Variants in DOCK4 observed in about 807,000 individuals in gnomAD.
The protein encoded by DOCK4 is dedicator of cytokinesis 4, also known as dedicator of cytokinesis protein 4.
A neutral mutation model predicts 268.1 loss-of-function variants in DOCK4; 97 were observed. That is an observed-to-expected ratio of 0.36 (90% CI 0.31 to 0.43). The LOEUF (loss-of-function observed/expected upper bound fraction) is 0.43. Among genes scored for constraint, DOCK4 ranks in the 20% least tolerant of loss-of-function variants. The pLI, the probability that DOCK4 is intolerant of heterozygous loss-of-function variation, is 1.00. For missense variants in DOCK4, 2,145 were observed against 2,455.7 expected, an observed-to-expected ratio of 0.87 and a Z score of 2.67; for synonymous variants, 954 against 887.2, an observed-to-expected ratio of 1.08 and a Z score of -1.34.
chr7:112,193,898 T>C (rs553047190), intron 1 of DOCK4, among the ~76,000 whole-genome samples: 138 of 152,202 alleles, frequency 9.1e-4, no homozygotes, highest in Admixed American at 2.2e-3. Flanking sequence ...GCTTGCAGAC[T>C]GCCACCTTCT....
At chr7:112,140,947 G>A (rs1354752220) in intron 1 of DOCK4, among the ~76,000 whole-genome samples, 1 of 152,166 alleles carries the variant, frequency 6.6e-6, no homozygotes. Flanking sequence ...AGGCTCTACA[G>A]CTGGTAAAAT....
intron 1 of DOCK4, among the ~76,000 whole-genome samples, chr7:112,059,625 T>C (rs1806203613): frequency 6.6e-6 from 1 of 152,174 alleles, no homozygotes; most frequent in African/African-American, 2.4e-5. Flanking sequence ...ATTTTAGATA[T>C]CCAACATTGT....
At chr7:112,193,728 C>T (rs1307189650) in intron 1 of DOCK4, among the ~76,000 whole-genome samples, 1 of 152,020 alleles carries the variant, frequency 6.6e-6, no homozygotes, top group African/African-American at 2.4e-5. Flanking sequence ...GAGGATCCTG[C>T]TTCTACTTTT....
At chr7:112,178,491 C>T (rs573504859) in intron 1 of DOCK4, among the ~76,000 whole-genome samples, 46 of 152,270 alleles carry the variant, frequency 3.0e-4, no homozygotes, top group African/African-American at 1.0e-3. Context: ...ACCTTTGTCT[C>T]GGCTTCCCAT....
intron 1 of DOCK4, among the ~76,000 whole-genome samples, chr7:112,123,327 T>A (rs1258992987): frequency 6.6e-6 from 1 of 152,174 alleles, no homozygotes; most frequent in African/African-American, 2.4e-5. Flanking sequence ...CACATAGACC[T>A]TGAGGCTTCT....
Position 112,190,947 on chromosome 7 carries a change from G to A in DOCK4, c.37+15155C>T, listed in dbSNP as rs898547425. ...ATGTGAAGCCCCAGGTCCCAGCAGA[G>A]CAAGGGCTTCCAGTATCAGAACCAC... is the stretch of plus-strand genomic sequence containing the variant. On this transcript the variant is annotated intron_variant, in intron 1 of 52. Coordinates refer to ENST00000428084, the MANE Select transcript of DOCK4 (RefSeq NM_001363540.2). Among the ~76,000 whole-genome samples, 3 of 152,158 alleles carry A rather than the reference G, an allele frequency of 2.0e-5. No homozygotes were observed. In the South Asian group the frequency reaches 6.2e-4, roughly 31 times the overall value.
intron 20 of DOCK4, 67 bp downstream of exon 20, chr7:111,871,923 G>A (rs1280327454): frequency 2.7e-5 from 34 of 1,282,592 alleles, no homozygotes; most frequent in Middle Eastern, 3.7e-4. Context: ...TTCCTATATC[G>A]CCTCTTCTGC....
chr7:111,977,263 C>A lies in DOCK4; in HGVS notation c.570G>T (p.Lys190Asn), dbSNP rs1180130040. Residue 190 changes from lysine to asparagine, a missense_variant, in exon 8 of 53, where the codon AAG becomes AAT. Physicochemically the swap from Lys to Asn is moderately conservative, Grantham distance 94 (BLOSUM62 0). Coordinates refer to ENST00000428084, the MANE Select transcript of DOCK4 (RefSeq NM_001363540.2). ...LYRLMEHRHR[K>N]KDTPVQASSH... ...TGCTGGCCTGCACCGGGGTGTCTTT[C>A]TTCCGATGTCGATGTTCCATCTGAA... 2 of 1,602,110 alleles carry A rather than the reference C, an allele frequency of 1.2e-6. No homozygotes were observed. The highest frequency in any genetic ancestry group is 1.7e-6 in the Non-Finnish European group (2 of 1,174,106).
chr7:111,777,638 T>C (rs1798532151), intron 36 of DOCK4, among the ~76,000 whole-genome samples: 1 of 152,190 alleles, frequency 6.6e-6, no homozygotes, highest in African/African-American at 2.4e-5. Flanking sequence ...GGTTTGGCTG[T>C]GTCCCCACCC....
At chr7:111,770,076 C>T (rs973950776) in intron 36 of DOCK4, among the ~76,000 whole-genome samples, 4 of 151,896 alleles carry the variant, frequency 2.6e-5, no homozygotes, top group Non-Finnish European at 5.9e-5. Context: ...CTATGAGCAT[C>T]CCCCAAAGGG....
chr7:111,834,961 A>G (rs1803122446), intron 25 of DOCK4, among the ~76,000 whole-genome samples: 1 of 152,142 alleles, frequency 6.6e-6, no homozygotes, highest in Admixed American at 6.6e-5. Flanking sequence ...TCACTTGGGA[A>G]CTAACTTCAC....
chr7:112,193,901 C>T (rs1820188999), intron 1 of DOCK4, among the ~76,000 whole-genome samples: 1 of 152,024 alleles, frequency 6.6e-6, no homozygotes, highest in South Asian at 2.1e-4. Context: ...TGCAGACTGC[C>T]ACCTTCTTGC....
chr7:112,118,686 C>T (rs545473315), intron 1 of DOCK4, among the ~76,000 whole-genome samples: 9 of 152,266 alleles, frequency 5.9e-5, no homozygotes, highest in African/African-American at 2.2e-4. Flanking sequence ...TCTCTTCTAA[C>T]CCCTTCAACC....
At chr7:112,176,007 T>C (rs1458828032) in intron 1 of DOCK4, among the ~76,000 whole-genome samples, 1 of 152,248 alleles carries the variant, frequency 6.6e-6, no homozygotes, top group Non-Finnish European at 1.5e-5. Flanking sequence ...TTCTCAATTT[T>C]GTGGAAAATA....
chr7:111,780,339 A>G (rs1798715623), intron 35 of DOCK4, among the ~76,000 whole-genome samples: 1 of 152,196 alleles, frequency 6.6e-6, no homozygotes, highest in African/African-American at 2.4e-5. Context: ...AAAAAGCTCA[A>G]TAAATAATGC....
intron 1 of DOCK4, among the ~76,000 whole-genome samples, chr7:112,030,533 T>C (rs1388340743): frequency 6.6e-6 from 1 of 152,194 alleles, no homozygotes; most frequent in African/African-American, 2.4e-5. Context: ...TAATTATATT[T>C]ATTTCCTGTA....
intron 12 of DOCK4, among the ~76,000 whole-genome samples, chr7:111,927,845 C>A (rs367886956): frequency 6.6e-6 from 1 of 152,074 alleles, no homozygotes; most frequent in South Asian, 2.1e-4. Flanking sequence ...TCTCTCGGAC[C>A]TTCCCTGCCA....
intron 1 of DOCK4, among the ~76,000 whole-genome samples, chr7:112,087,033 C>G (rs1391928401): frequency 6.6e-6 from 1 of 152,086 alleles, no homozygotes; most frequent in Non-Finnish European, 1.5e-5. Flanking sequence ...TGAGATAACC[C>G]TCAGGAGTCT....
chr7:112,004,042 A>C lies in DOCK4; in HGVS notation c.121+6T>G. On this transcript the variant is annotated splice_donor_region_variant and intron_variant, in intron 2 of 52. Coordinates refer to ENST00000428084, the MANE Select transcript of DOCK4 (RefSeq NM_001363540.2). ...TGTTGAGGAGGTTGTTCATAAGGCTACTCACCATCACACTTCTCCAGGATC... is the reference window on the plus strand; with the variant it reads ...TGTTGAGGAGGTTGTTCATAAGGCTCCTCACCATCACACTTCTCCAGGATC... 6.3e-7 allele frequency: 1 copy of C among 1,595,038 alleles called. No homozygotes were observed. The highest frequency in any genetic ancestry group is 8.6e-7 in the Non-Finnish European group (1 of 1,169,516).
Sources: gnomAD v4.1 joint callset for allele counts (sites outside exome capture counted in the v4.1 genomes callset) on GRCh38, gnomAD v4.1.1 for gene constraint, MANE v1.5 for transcripts, NCBI Gene and HGNC (gene_info 2026-07-23, HGNC 2026-07-21) for gene names.